The following PXDC1 variants were observed in gnomAD, a reference collection of about 807,000 sequenced individuals.
The protein encoded by PXDC1 is PX domain-containing protein 1.
In PXDC1, 13 loss-of-function variants were observed where a neutral mutation model predicts 24.4. The observed-to-expected ratio is 0.53, with a 90% CI of 0.35 to 0.85. PXDC1 has a LOEUF of 0.85. PXDC1 is among the 40% of genes least tolerant of loss of function. The pLI is 0.01. For missense variants in PXDC1, 344 were observed against 309.3 expected, an observed-to-expected ratio of 1.11 and a Z score of -0.84; for synonymous variants, 162 against 124.9, an observed-to-expected ratio of 1.30 and a Z score of -1.98.
At chr6:3,746,020 T>C (rs148450035) in intron 1 of PXDC1, among the ~76,000 whole-genome samples, 1,860 of 152,306 alleles carry the variant, frequency 0.012, 35 homozygotes, top group African/African-American at 0.038. Flanking sequence ...ACATATGGTG[T>C]GCGTTCAGCT....
At position 3,751,418 on chromosome 6, in the gene PXDC1, G is replaced by C; in HGVS notation, c.114C>G (p.Phe38Leu). 1 of 1,583,582 alleles carries C rather than the reference G, an allele frequency of 6.3e-7. No individual in the cohort carries two copies. The change falls in exon 1 of 5, where the codon TTC becomes TTG. Residue 38 changes from phenylalanine to leucine, a missense_variant. Phe to Leu is a conservative substitution (Grantham distance 22). Transcript: ENST00000380283. ...IVSRRGDEEEFFEIRTEWSDR... is the reference protein window; with the variant it reads ...IVSRRGDEEELFEIRTEWSDR... ...CCGACCACTCCGTGCGGATCTCGAA[G>C]AACTCCTCTTCGTCGCCGCGCCGGC...
rs771476323 is a variant in PXDC1, at chr6:3,751,497, A to C, written c.35T>G (p.Val12Gly). ...ASAVFEGTSL[V>G]NMFVRGCWVN... The stretch of plus-strand genomic sequence containing the variant: ...CCAGCAGCCGCGCACGAACATGTTC[A>C]CGAGCGACGTGCCCTCAAACACCGC... The change falls in exon 1 of 5, where the codon GTG becomes GGG. Residue 12 changes from valine to glycine, a missense_variant. By Grantham distance (109) the Val-to-Gly change is moderately radical. Coordinates refer to ENST00000380283, the MANE Select transcript of PXDC1 (RefSeq NM_183373.4). The C allele has an allele frequency of 6.2e-7, 1 of 1,602,842 alleles. No homozygotes were observed. The highest frequency in any genetic ancestry group is 8.5e-7 in the Non-Finnish European group (1 of 1,176,390).
chr6:3,739,962 T>TA (rs1049107618), intron 1 of PXDC1, among the ~76,000 whole-genome samples: 3 of 152,232 alleles, frequency 2.0e-5, no homozygotes, highest in African/African-American at 7.2e-5. Context: ...GACAATTATA[T>TA]AACTCATTCC....
At chr6:3,741,362 A>G (rs1284222193) in intron 1 of PXDC1, among the ~76,000 whole-genome samples, 1 of 152,226 alleles carries the variant, frequency 6.6e-6, no homozygotes, top group Non-Finnish European at 1.5e-5. Flanking sequence ...GAAAATTTAG[A>G]TGGGGAAAGT....
intron 3 of PXDC1, among the ~76,000 whole-genome samples, chr6:3,729,929 T>C (rs1760157623): frequency 6.6e-6 from 1 of 152,224 alleles, no homozygotes; most frequent in African/African-American, 2.4e-5. Context: ...ACATGCCTAA[T>C]CTTTCTTAAA....
At chr6:3,749,884 T>C (rs1214614453) in intron 1 of PXDC1, among the ~76,000 whole-genome samples, 1 of 152,234 alleles carries the variant, frequency 6.6e-6, no homozygotes, top group Non-Finnish European at 1.5e-5. Context: ...GGAAAGGTCA[T>C]TGAATAAACC....
At chr6:3,742,571 C>T (rs759206264) in intron 1 of PXDC1, among the ~76,000 whole-genome samples, 1 of 152,126 alleles carries the variant, frequency 6.6e-6, no homozygotes, top group Non-Finnish European at 1.5e-5. Flanking sequence ...CAGCAGGGGG[C>T]GCGCGCACTC....
At chr6:3,744,571 C>A (rs1452214041) in intron 1 of PXDC1, among the ~76,000 whole-genome samples, 6 of 152,186 alleles carry the variant, frequency 3.9e-5, no homozygotes, top group Non-Finnish European at 8.8e-5. Flanking sequence ...AGAGCTGAGA[C>A]CAGAAAAGGA....
At chr6:3,730,243 C>T (rs4959869) in intron 3 of PXDC1, among the ~76,000 whole-genome samples, 63,367 of 152,026 alleles carry the variant, frequency 0.42, 15,433 homozygotes, top group Non-Finnish European at 0.55. Context: ...AGCCCCAGAA[C>T]CTCGAAAAAC....
chr6:3,742,215 T>C (rs1242280206), intron 1 of PXDC1, among the ~76,000 whole-genome samples: 2 of 152,260 alleles, frequency 1.3e-5, no homozygotes, highest in Non-Finnish European at 2.9e-5. Context: ...CGTTTCTTTC[T>C]ATCCTACCTG....
intron 3 of PXDC1, among the ~76,000 whole-genome samples, chr6:3,733,454 G>A (rs560531333): frequency 2.0e-4 from 31 of 152,246 alleles, no homozygotes; most frequent in Non-Finnish European, 3.7e-4. Flanking sequence ...GTACCGCCTC[G>A]CCACCGGCAG....
chr6:3,735,364 G>A (rs12190081), intron 3 of PXDC1, among the ~76,000 whole-genome samples: 15,245 of 152,168 alleles, frequency 0.1, 1,077 homozygotes, highest in African/African-American at 0.2. Flanking sequence ...CCACCAAAGT[G>A]TCTAGCTACC....
intron 1 of PXDC1, among the ~76,000 whole-genome samples, chr6:3,739,799 A>G (rs1402776762): frequency 6.6e-6 from 1 of 152,208 alleles, no homozygotes; most frequent in Non-Finnish European, 1.5e-5. Flanking sequence ...ATATACCGCA[A>G]TTTACATAGA....
At chr6:3,741,848 T>A (rs1760455435) in intron 1 of PXDC1, among the ~76,000 whole-genome samples, 1 of 152,208 alleles carries the variant, frequency 6.6e-6, no homozygotes, top group Non-Finnish European at 1.5e-5. Flanking sequence ...CTACTCCCCT[T>A]CAATTGTTTT....
At position 3,728,719 on chromosome 6, in the gene PXDC1, ACTC is replaced by A. The variant is rs1484694790; in HGVS notation, c.467-1060_467-1058del. Among the ~76,000 whole-genome samples, 14 of 151,920 alleles carry A rather than the reference ACTC, an allele frequency of 9.2e-5. No homozygotes were observed. The highest frequency in any genetic ancestry group is 3.1e-4 in the African/African-American group (13 of 41,316). On this transcript the variant is annotated intron_variant, in intron 3 of 4. Transcript: ENST00000380283. This position sits in a 1 kb window ranked among gnomAD's most constrained non-coding sequence, Gnocchi z 4.0. Reference sequence around the variant, plus strand: ...TCCTTCTCACTCTGAAATCCCATGAACTCCTGGATCGCATCATGCCATCTGGTC... The same window carrying A: ...TCCTTCTCACTCTGAAATCCCATGAACTGGATCGCATCATGCCATCTGGTC...
intron 3 of PXDC1, among the ~76,000 whole-genome samples, chr6:3,730,355 A>G (rs1330507761): frequency 6.6e-6 from 1 of 152,220 alleles, no homozygotes; most frequent in Non-Finnish European, 1.5e-5. Flanking sequence ...ATTGAAAAGC[A>G]AATTGTCTTA....
intron 1 of PXDC1, among the ~76,000 whole-genome samples, chr6:3,750,558 G>A (rs1055887671): frequency 9.8e-5 from 15 of 152,290 alleles, no homozygotes; most frequent in African/African-American, 3.6e-4. Context: ...GAAAGATCGG[G>A]CAGAGCGGTA....
At chr6:3,749,927 C>A (rs1232299311) in intron 1 of PXDC1, among the ~76,000 whole-genome samples, 1 of 152,218 alleles carries the variant, frequency 6.6e-6, no homozygotes, top group African/African-American at 2.4e-5. Flanking sequence ...CTGATTTGGG[C>A]ATTGATTTGT....
intron 1 of PXDC1, among the ~76,000 whole-genome samples, chr6:3,741,574 C>G (rs1760449222): frequency 6.6e-6 from 1 of 152,232 alleles, no homozygotes; most frequent in Non-Finnish European, 1.5e-5. Context: ...ACAACGAGCG[C>G]TGATCCCTTC....
Sources: allele counts gnomAD v4.1 joint callset (sites outside exome capture counted in the v4.1 genomes callset), GRCh38; gene constraint gnomAD v4.1.1; non-coding constraint Gnocchi (gnomAD v3.1); transcripts MANE v1.5; gene names NCBI Gene and HGNC (gene_info 2026-07-23, HGNC 2026-07-21).